EPG5: variants seen among roughly 807,000 people sequenced by gnomAD.
The protein encoded by EPG5 is ectopic P-granules 5 autophagy tethering factor, also known as ectopic P granules protein 5 homolog.
In EPG5, 159 loss-of-function variants were observed where a neutral mutation model predicts 302.7. The observed-to-expected ratio is 0.53, with a 90% CI of 0.46 to 0.60. The LOEUF (loss-of-function observed/expected upper bound fraction) is 0.60. EPG5 is among the 20% of genes least tolerant of loss of function. The pLI is 0.00. For synonymous variants in EPG5, 1,158 were observed against 1,136.8 expected (o/e 1.02, Z -0.37); for missense variants, 2,896 against 3,092.4 (o/e 0.94, Z 1.51).
rs1003678007 is a variant in EPG5, at chr18:45,847,835, G to T, written c.*4632C>A. The T allele has an allele frequency of 1.3e-5, 2 of 152,154 alleles. No individual in the cohort carries two copies. The highest frequency in any genetic ancestry group is 4.8e-5 in the African/African-American group (2 of 41,242). 9.4% of individuals were successfully genotyped at this position (152,154 alleles called of 1,614,324 possible). ...AAACGAGTTGAACACACTTAAGTAT[G>T]TGTCTCCACATAAGTGATTTTAAAC... On this transcript the variant is annotated 3_prime_UTR_variant, in exon 44 of 44. Transcript: ENST00000282041.
intron 43 of EPG5, among the ~76,000 whole-genome samples, chr18:45,854,524 TTC>T (rs149305986): frequency 2.5e-4 from 37 of 150,066 alleles, no homozygotes; most frequent in African/African-American, 5.6e-4. Context: ...TACTTAGCCT[TTC>T]TCTCTCTCTC....
chr18:45,860,173 G>C lies in EPG5; in HGVS notation c.6940C>G (p.Gln2314Glu). ...ATGTGGCGGACGGACGCCAGGCTCT[G>C]GCAGGCTGCTGTTAAAAGGGGCAGC... Reference protein sequence around the residue: ...VVLPLLTAACQSLASVRHMAE... With the variant: ...VVLPLLTAACESLASVRHMAE... The change falls in exon 40 of 44, where the codon CAG becomes GAG. Residue 2314 changes from glutamine (Q) to glutamate (E), a missense_variant. Around this residue, in one of 5 missense-constraint regions of EPG5, gnomAD observed 620 missense variants for 704.2 expected, o/e 0.88. Transcript: ENST00000282041. 1 of 1,614,196 alleles carries C rather than the reference G, an allele frequency of 6.2e-7. No homozygotes were observed. Among genetic ancestry groups the C allele is most frequent in the Non-Finnish European group, 8.5e-7 (1 of 1,180,042 alleles).
chr18:45,819,649 T>G, the EPG5 span, among the ~76,000 whole-genome samples: 10,476 of 152,284 alleles, frequency 0.069, 839 homozygotes, highest in African/African-American at 0.2. Flanking sequence ...GGATGCACAT[T>G]AATTAATAGA....
At chr18:45,839,572 C>G in the EPG5 span, among the ~76,000 whole-genome samples, 2 of 152,290 alleles carry the variant, frequency 1.3e-5, no homozygotes, top group Non-Finnish European at 2.9e-5. Flanking sequence ...ATGAGAAGGG[C>G]TCTCCTCAAC....
intron 26 of EPG5, among the ~76,000 whole-genome samples, chr18:45,900,399 T>C (rs936249918): frequency 2.4e-4 from 27 of 111,830 alleles, no homozygotes; most frequent in Middle Eastern, 4.2e-3. Flanking sequence ...AGCAAGACTC[T>C]GTCTCAAAAA....
At chr18:45,874,486 C>T (rs2048930831) in intron 35 of EPG5, among the ~76,000 whole-genome samples, 1 of 152,156 alleles carries the variant, frequency 6.6e-6, no homozygotes, top group Admixed American at 6.5e-5. Context: ...AACAGACTCA[C>T]AGTTCCATGT....
At chr18:45,845,629 G>A (rs560781862), downstream of EPG5, among the ~76,000 whole-genome samples, 4 of 152,326 alleles carry the variant, frequency 2.6e-5, no homozygotes, top group South Asian at 2.1e-4. Flanking sequence ...GGTGTCCTGC[G>A]GCACGGAGTC....
intron 1 of EPG5, 59 bp downstream of exon 1, chr18:45,967,118 G>T: frequency 6.6e-7 from 1 of 1,510,424 alleles, no homozygotes; most frequent in Non-Finnish European, 9.0e-7. Flanking sequence ...AGGCCGAAGA[G>T]AGGAGCAAGG....
the EPG5 span, among the ~76,000 whole-genome samples, chr18:45,803,686 A>T: frequency 2.0e-5 from 3 of 152,112 alleles, no homozygotes; most frequent in African/African-American, 7.2e-5. Context: ...ACCCCCAAAC[A>T]CCCATGTACA....
intron 43 of EPG5, among the ~76,000 whole-genome samples, chr18:45,854,931 ATATTGG>A (rs1442749579): frequency 3.3e-5 from 5 of 152,322 alleles, no homozygotes; most frequent in African/African-American, 1.2e-4. Flanking sequence ...TAACTCACTA[ATATTGG>A]TCGAGTTAAA....
intron 34 of EPG5, among the ~76,000 whole-genome samples, chr18:45,876,884 A>G (rs1340421556): frequency 6.6e-6 from 1 of 152,056 alleles, no homozygotes; most frequent in East Asian, 2.0e-4. Flanking sequence ...CCAGGGTTCA[A>G]GCAACTCTTC....
intron 43 of EPG5, among the ~76,000 whole-genome samples, chr18:45,854,567 T>TCCA (rs2048476466): frequency 6.6e-6 from 1 of 152,144 alleles, no homozygotes; most frequent in Non-Finnish European, 1.5e-5. Context: ...ACCAGGATAA[T>TCCA]AATAGTTCCC....
chr18:45,880,332 T>C, intron 31 of EPG5, 109 bp from the exon 32 acceptor site: 2 of 1,120,586 alleles, frequency 1.8e-6, no homozygotes, highest in Non-Finnish European at 1.2e-6. Context: ...AAAGCCAAAA[T>C]CCAAAACAAA....
chr18:45,819,940 C>T, the EPG5 span, among the ~76,000 whole-genome samples: 1 of 152,148 alleles, frequency 6.6e-6, no homozygotes, highest in Admixed American at 6.6e-5. Context: ...TTTCTTGTAG[C>T]AATACCATAA....
the EPG5 span, among the ~76,000 whole-genome samples, chr18:45,835,453 C>G: frequency 6.6e-6 from 1 of 152,254 alleles, no homozygotes; most frequent in East Asian, 1.9e-4. Flanking sequence ...AGTAACTAAG[C>G]AGTCTATCAA....
chr18:45,862,796 T>C (rs372001911), intron 39 of EPG5, among the ~76,000 whole-genome samples: 3 of 152,226 alleles, frequency 2.0e-5, no homozygotes, highest in African/African-American at 4.8e-5. Flanking sequence ...TCACCCAGTG[T>C]TGGGTTTTTC....
intron 1 of EPG5, among the ~76,000 whole-genome samples, chr18:45,955,642 T>G (rs1481510228): frequency 6.6e-6 from 1 of 152,208 alleles, no homozygotes; most frequent in Non-Finnish European, 1.5e-5. Context: ...GTTAATTAGA[T>G]TGTACACCAT....
chr18:45,950,844 G>A (rs2143716800), intron 4 of EPG5, among the ~76,000 whole-genome samples: 1 of 152,242 alleles, frequency 6.6e-6, no homozygotes, highest in African/African-American at 2.4e-5. Flanking sequence ...CATACTTCCT[G>A]CATTTCCATT....
In EPG5 at chr18:45,856,386, C is replaced by A. The variant is rs182252256; in HGVS notation, c.7443-699G>T. Among the ~76,000 whole-genome samples the A allele has an allele frequency of 2.6e-5, 4 of 152,226 alleles. No homozygotes were observed. The East Asian group carries it at 7.7e-4, about 29-fold the overall frequency. On this transcript the variant is annotated intron_variant, in intron 42 of 43. Transcript: ENST00000282041. ...AATGTCAATTAGTGGTTACTAGAGA[C>A]ACGGGGATTAAAGGGAATGGAGGTG...
Sources: gnomAD v4.1 joint callset for allele counts (sites outside exome capture counted in the v4.1 genomes callset) on GRCh38, gnomAD v4.1.1 for gene constraint, gnomAD v4.1.1 regional missense constraint, MANE v1.5 for transcripts, NCBI Gene and HGNC (gene_info 2026-07-23, HGNC 2026-07-21) for gene names.